The following FILIP1L variants were observed in gnomAD, a reference collection of about 807,000 sequenced individuals.
The protein encoded by FILIP1L is filamin A-interacting protein 1-like.
FILIP1L carries 55 observed loss-of-function variants against 96.6 expected under a neutral mutation model. That is an observed-to-expected ratio of 0.57 (90% CI 0.46 to 0.71). The LOEUF (loss-of-function observed/expected upper bound fraction) is 0.71, where lower values mean the gene tolerates loss of function less well. FILIP1L is among the 30% of genes least tolerant of loss of function. The pLI, the probability that FILIP1L is intolerant of heterozygous loss-of-function variation, is 0.00. For synonymous variants in FILIP1L, 467 were observed against 473.9 expected, an observed-to-expected ratio of 0.99 and a Z score of 0.19; for missense variants, 1,304 against 1,321.2, an observed-to-expected ratio of 0.99 and a Z score of 0.20.
At chr3:99,870,078 T>C (rs555433366) in intron 4 of FILIP1L, among the ~76,000 whole-genome samples, 1 of 152,364 alleles carries the variant, frequency 6.6e-6, no homozygotes, top group African/African-American at 2.4e-5. Flanking sequence ...TATTTTTATA[T>C]TGTCTCTTCT....
chr3:99,952,139 G>T (rs7632345), intron 1 of FILIP1L, among the ~76,000 whole-genome samples: 15,000 of 151,650 alleles, frequency 0.099, 902 homozygotes, highest in African/African-American at 0.16. Flanking sequence ...GTTAAGAGTC[G>T]CACAGACCAC....
intron 1 of FILIP1L, among the ~76,000 whole-genome samples, chr3:100,027,317 C>T (rs1365345973): frequency 6.6e-6 from 1 of 152,094 alleles, no homozygotes; most frequent in Non-Finnish European, 1.5e-5. Context: ...GGAAATGAGC[C>T]TCACACATGG....
chr3:100,075,254 A>T (rs751580137), intron 1 of FILIP1L, among the ~76,000 whole-genome samples: 2 of 152,192 alleles, frequency 1.3e-5, no homozygotes, highest in African/African-American at 4.8e-5. Flanking sequence ...TTACCTTTCA[A>T]ATAATGGACT....
At chr3:99,991,453 CT>C (rs1200942161) in intron 1 of FILIP1L, among the ~76,000 whole-genome samples, 1 of 151,864 alleles carries the variant, frequency 6.6e-6, no homozygotes, top group African/African-American at 2.4e-5. Context: ...TTAAATCTAT[CT>C]TTTTTATGTT....
At chr3:99,949,673 A>G (rs1708118916) in intron 1 of FILIP1L, among the ~76,000 whole-genome samples, 1 of 152,242 alleles carries the variant, frequency 6.6e-6, no homozygotes, top group Non-Finnish European at 1.5e-5. Flanking sequence ...TTTCCTAATC[A>G]GAAAGGTACA....
chr3:100,111,418 T>TAAAC (rs2066489301), intron 1 of FILIP1L, among the ~76,000 whole-genome samples: 1 of 152,208 alleles, frequency 6.6e-6, no homozygotes, highest in Non-Finnish European at 1.5e-5. Context: ...AAAACTTAGT[T>TAAAC]TATCTATCTG....
intron 1 of FILIP1L, among the ~76,000 whole-genome samples, chr3:99,988,138 CA>C (rs1709400606): frequency 6.6e-6 from 1 of 151,824 alleles, no homozygotes; most frequent in Non-Finnish European, 1.5e-5. Flanking sequence ...TATAAGTGAA[CA>C]AAAGCTAAAA....
At chr3:99,993,161 A>G (rs1025818818) in intron 1 of FILIP1L, among the ~76,000 whole-genome samples, 3 of 151,990 alleles carry the variant, frequency 2.0e-5, no homozygotes, top group African/African-American at 7.2e-5. Context: ...TGGGTTTCAT[A>G]TGAGTTTTAG....
At chr3:99,845,641 CA>C (rs1943331035) in intron 5 of FILIP1L, among the ~76,000 whole-genome samples, 1 of 151,916 alleles carries the variant, frequency 6.6e-6, no homozygotes, top group African/African-American at 2.4e-5. Context: ...CACACGCACA[CA>C]AAAAAATATA....
intron 1 of FILIP1L, among the ~76,000 whole-genome samples, chr3:99,957,317 T>G (rs1708347852): frequency 6.6e-6 from 1 of 152,196 alleles, no homozygotes; most frequent in Non-Finnish European, 1.5e-5. Context: ...CCACATATTC[T>G]AAGCATTAAC....
intron 1 of FILIP1L, among the ~76,000 whole-genome samples, chr3:100,041,890 A>T (rs2065211072): frequency 6.6e-6 from 1 of 152,162 alleles, no homozygotes; most frequent in Admixed American, 6.6e-5. Context: ...AATTTGATTT[A>T]AAAAAATAAT....
chr3:99,916,859 A>T (rs141164656), intron 4 of FILIP1L, among the ~76,000 whole-genome samples: 55 of 152,330 alleles, frequency 3.6e-4, no homozygotes, highest in African/African-American at 1.3e-3. Flanking sequence ...ACGGCTGGCC[A>T]AAGCTGTTTG....
intron 1 of FILIP1L, among the ~76,000 whole-genome samples, chr3:100,074,188 T>C (rs2065809072): frequency 6.6e-6 from 1 of 152,202 alleles, no homozygotes; most frequent in African/African-American, 2.4e-5. Context: ...CTGTTTATCC[T>C]GCAGTGGAGT....
chr3:100,014,869 C>CTTTTTTTTTTTTTT lies in FILIP1L; in HGVS notation c.-10-83840_-10-83839insAAAAAAAAAAAAAA, dbSNP rs1559725848. Among the ~76,000 whole-genome samples, 3 of 18,528 alleles carry CTTTTTTTTTTTTTT rather than the reference C, an allele frequency of 1.6e-4. 1 individual carries two copies. Among genetic ancestry groups the CTTTTTTTTTTTTTT allele is most frequent in the African/African-American group, 4.5e-4 (2 of 4,456 alleles). The allele number at this position is 18,528 out of a possible 152,430, so 12.2% of individuals were successfully genotyped here. A position where few individuals can be genotyped will look rare whatever the true frequency, so the allele number is the denominator to read the frequency against. On this transcript the variant is annotated intron_variant, in intron 1 of 5. Transcript: ENST00000477258. Reference sequence around the variant, plus strand: ...CTGATGCAACACCATTTGTCTTTTTCTTTTCTTTTTTTTTTTTCTTTCTTT... The same window carrying CTTTTTTTTTTTTTT: ...CTGATGCAACACCATTTGTCTTTTTCTTTTTTTTTTTTTTTTTTCTTTTTTTTTTTTCTTTCTTT...
intron 1 of FILIP1L, among the ~76,000 whole-genome samples, chr3:100,049,112 T>A (rs888967643): frequency 1.3e-5 from 2 of 152,236 alleles, no homozygotes; most frequent in South Asian, 4.1e-4. Flanking sequence ...TGTCTGACAA[T>A]TGCAAACAGT....
At chr3:100,078,337 AT>A (rs575712651) in intron 1 of FILIP1L, among the ~76,000 whole-genome samples, 113 of 151,880 alleles carry the variant, frequency 7.4e-4, no homozygotes, top group Non-Finnish European at 1.3e-3. Flanking sequence ...ACTTTGCCTA[AT>A]TTTTTTTTCT....
At chr3:100,112,192 A>T (rs75888006) in intron 1 of FILIP1L, among the ~76,000 whole-genome samples, 72 of 152,340 alleles carry the variant, frequency 4.7e-4, no homozygotes, top group Non-Finnish European at 9.0e-4. Context: ...AAAAGCTACT[A>T]GCACTTTTTC....
rs56019776 is a variant in FILIP1L, at chr3:99,951,586, G to A, written c.-10-20556C>T. ...AGTAGACTAAGAAAGATGAGAAATA[G>A]TGATGAAGCAAGTGTTTTTGTACCA... On this transcript the variant is annotated intron_variant, in intron 1 of 5. Transcript: ENST00000477258. 3.1e-3 allele frequency among the ~76,000 whole-genome samples: 472 copies of A among 152,236 alleles called. 1 individual carries two copies. Among genetic ancestry groups the A allele is most frequent in the Non-Finnish European group, 5.1e-3 (344 of 68,014 alleles).
intron 1 of FILIP1L, among the ~76,000 whole-genome samples, chr3:100,093,653 C>T (rs1233922199): frequency 6.6e-6 from 1 of 152,150 alleles, no homozygotes; most frequent in Non-Finnish European, 1.5e-5. Flanking sequence ...ACATTTCTGT[C>T]ACCACAAGGA....
Sources: allele counts gnomAD v4.1 joint callset (sites outside exome capture counted in the v4.1 genomes callset), GRCh38; gene constraint gnomAD v4.1.1; transcripts MANE v1.5; gene names NCBI Gene and HGNC (gene_info 2026-07-23, HGNC 2026-07-21).